Variants in ABI2 observed in about 807,000 individuals in gnomAD.
ABI2 encodes abl interactor 2.
In ABI2, 25 loss-of-function variants were observed where a neutral mutation model predicts 59.2. The ratio of observed to expected loss-of-function variants is 0.42; its 90% CI spans 0.31 to 0.59. The LOEUF (loss-of-function observed/expected upper bound fraction) is 0.59, where lower values mean the gene tolerates loss of function less well. Ranked by LOEUF, ABI2 falls within the 20% of genes least tolerant of loss-of-function variation. The pLI is 0.14. For synonymous variants in ABI2, 213 were observed against 235.5 expected (o/e 0.90, Z 0.87); for missense variants, 545 against 681.8 (o/e 0.80, Z 2.23).
At chr2:203,406,571 T>C (rs576891705) in intron 9 of ABI2, among the ~76,000 whole-genome samples, 3 of 152,364 alleles carry the variant, frequency 2.0e-5, no homozygotes, top group Admixed American at 1.3e-4. Flanking sequence ...TCTAAATGAT[T>C]TGTGAAGTTA....
intron 4 of ABI2, among the ~76,000 whole-genome samples, chr2:203,387,680 C>T (rs1025301314): frequency 3.3e-5 from 5 of 152,150 alleles, no homozygotes; most frequent in African/African-American, 1.2e-4. Flanking sequence ...TGATTGGTAT[C>T]GGCCACCAGA....
chr2:203,430,432 G>T lies in ABI2; in HGVS notation c.*3080G>T, dbSNP rs1180023838. On this transcript the variant is annotated 3_prime_UTR_variant, in exon 12 of 12. Transcript: ENST00000261018. ...AAAAAATGAATAGTTGTCTTTTCTT[G>T]TCATATTAATACTCGAAAGTCCATG... The T allele has an allele frequency of 6.6e-6, 1 of 152,106 alleles. No individual in the cohort carries two copies. The highest frequency in any genetic ancestry group is 6.5e-5 in the Admixed American group (1 of 15,272). The allele number at this position is 152,106 out of a possible 1,614,324, so 9.4% of individuals were successfully genotyped here.
chr2:203,372,105 T>A (rs1274914873), intron 2 of ABI2, among the ~76,000 whole-genome samples: 2 of 151,950 alleles, frequency 1.3e-5, no homozygotes, highest in African/African-American at 4.8e-5. Context: ...CCCTGGGTAC[T>A]TGAGATTAGG....
At chr2:203,345,451 C>T (rs576868273) in intron 1 of ABI2, among the ~76,000 whole-genome samples, 12 of 152,270 alleles carry the variant, frequency 7.9e-5, no homozygotes, top group Admixed American at 7.8e-4. Flanking sequence ...AAGAACCCAC[C>T]GGAAGGAACC....
intron 1 of ABI2, among the ~76,000 whole-genome samples, chr2:203,335,132 A>T (rs891354955): frequency 6.6e-6 from 1 of 152,190 alleles, no homozygotes; most frequent in Non-Finnish European, 1.5e-5. Context: ...AAAAATTTCT[A>T]TATTTTCCCA....
intron 1 of ABI2, among the ~76,000 whole-genome samples, chr2:203,347,387 A>G (rs1227388448): frequency 6.6e-6 from 1 of 152,252 alleles, no homozygotes; most frequent in Non-Finnish European, 1.5e-5. Context: ...AAAGAAATCA[A>G]TAAACTTGTG....
chr2:203,413,578 C>T (rs2097766760), intron 10 of ABI2, among the ~76,000 whole-genome samples: 3 of 152,058 alleles, frequency 2.0e-5, no homozygotes, highest in Admixed American at 2.0e-4. Context: ...CAATCATATA[C>T]GTTTCTCATT....
intron 1 of ABI2, among the ~76,000 whole-genome samples, chr2:203,341,392 C>G (rs1241110539): frequency 6.6e-6 from 1 of 152,106 alleles, no homozygotes; most frequent in Non-Finnish European, 1.5e-5. Flanking sequence ...TTCTAGTAAG[C>G]ATTAGAAAAT....
chr2:203,369,357 G>A lies in ABI2; in HGVS notation c.285+2313G>A, dbSNP rs562784090. Among the ~76,000 whole-genome samples the A allele has an allele frequency of 3.9e-5, 6 of 152,178 alleles. No homozygotes were observed. In the South Asian group the frequency reaches 1.2e-3, roughly 32 times the overall value. ...TTTTACTAGGCATTAGGGGAGAGTA[G>A]GAGAGATTATGTGGGTAAATGATGA... On this transcript the variant is annotated intron_variant, in intron 2 of 11. Transcript: ENST00000261018.
intron 1 of ABI2, among the ~76,000 whole-genome samples, chr2:203,347,025 GTGTTC>G (rs1206090093): frequency 6.6e-6 from 1 of 152,166 alleles, no homozygotes; most frequent in African/African-American, 2.4e-5. Flanking sequence ...GAAGGACTTT[GTGTTC>G]TTACATGAGT....
Position 203,356,768 on chromosome 2 carries a change from T to A in ABI2, c.118-10109T>A, listed in dbSNP as rs2092166824. ...TTCCTGCCTCGACCTCCCAGAGTGT[T>A]GGGATTATAGGCATGAACTACCACA... On this transcript the variant is annotated intron_variant, in intron 1 of 11. Coordinates refer to ENST00000261018, the MANE Select transcript of ABI2 (RefSeq NM_001375670.1). Among the ~76,000 whole-genome samples, 3 of 152,154 alleles carry A rather than the reference T, an allele frequency of 2.0e-5. 1 individual carries two copies. In the South Asian group the frequency reaches 6.2e-4, roughly 32 times the overall value.
At chr2:203,395,448 T>TATATATATAC (rs750379504) in intron 6 of ABI2, among the ~76,000 whole-genome samples, 6,316 of 115,184 alleles carry the variant, frequency 0.055, 261 homozygotes, top group Middle Eastern at 0.093. Context: ...TATATATATA[T>TATATATATAC]ACACACACAC....
chr2:203,401,862 A>T (rs2153446388), intron 8 of ABI2, among the ~76,000 whole-genome samples: 1 of 152,208 alleles, frequency 6.6e-6, no homozygotes, highest in East Asian at 1.9e-4. Context: ...TTGGAATAAG[A>T]CTGTGTGTCA....
chr2:203,339,910 C>T (rs1209806084), intron 1 of ABI2, among the ~76,000 whole-genome samples: 1 of 152,128 alleles, frequency 6.6e-6, no homozygotes, highest in Non-Finnish European at 1.5e-5. Context: ...CCTTGTGGAA[C>T]GCGTGTATAT....
intron 9 of ABI2, among the ~76,000 whole-genome samples, chr2:203,408,463 G>A (rs190625609): frequency 6.6e-6 from 1 of 151,696 alleles, no homozygotes; most frequent in East Asian, 1.9e-4. Context: ...GTGCCTGGCT[G>A]CTGGTGTACT....
chr2:203,353,055 T>C (rs1008238465), intron 1 of ABI2, among the ~76,000 whole-genome samples: 4 of 152,180 alleles, frequency 2.6e-5, no homozygotes, highest in African/African-American at 7.2e-5. Flanking sequence ...GTTTACTCTG[T>C]GATGTTTGCA....
chr2:203,382,154 CT>C, intron 3 of ABI2, 34 bp from the exon 4 acceptor site: 1 of 1,507,358 alleles, frequency 6.6e-7, no homozygotes, highest in Non-Finnish European at 8.8e-7. Context: ...GCTTTTTTTC[CT>C]TACCTCTTTT....
At position 203,401,879 on chromosome 2, in the gene ABI2, T is replaced by G. The variant is rs557499025; in HGVS notation, c.1034-697T>G. Among the ~76,000 whole-genome samples, 3 of 152,296 alleles carry G rather than the reference T, an allele frequency of 2.0e-5. No individual in the cohort carries two copies. In the East Asian group the frequency reaches 5.8e-4, roughly 29 times the overall value. Reference sequence around the variant, plus strand: ...GGAATAAGACTGTGTGTCAAACATTTTTTCTCTTGCTTTCCCAAACATCAT... The same window carrying G: ...GGAATAAGACTGTGTGTCAAACATTGTTTCTCTTGCTTTCCCAAACATCAT... On this transcript the variant is annotated intron_variant, in intron 8 of 11. Transcript: ENST00000261018.
chr2:203,421,157 T>A (rs1024548717), intron 11 of ABI2, among the ~76,000 whole-genome samples: 7 of 152,096 alleles, frequency 4.6e-5, no homozygotes, highest in Admixed American at 4.6e-4. Flanking sequence ...TTTTTGGAGA[T>A]ACCTGATAAT....
Sources: allele counts gnomAD v4.1 joint callset (sites outside exome capture counted in the v4.1 genomes callset), GRCh38; gene constraint gnomAD v4.1.1; transcripts MANE v1.5; gene names NCBI Gene and HGNC (gene_info 2026-07-23, HGNC 2026-07-21).